The following MAGI1 variants were observed in gnomAD, a reference collection of about 807,000 sequenced individuals.
MAGI1 encodes the protein membrane associated guanylate kinase, WW and PDZ domain containing 1.
A neutral mutation model predicts 139.9 loss-of-function variants in MAGI1; 58 were observed. The ratio of observed to expected loss-of-function variants is 0.41; its 90% CI spans 0.34 to 0.52. MAGI1 has a LOEUF of 0.52. Among genes scored for constraint, MAGI1 ranks in the 20% least tolerant of loss-of-function variants. The pLI is 0.12. For missense variants in MAGI1, 1,874 were observed against 1,901.6 expected, an observed-to-expected ratio of 0.99 and a Z score of 0.27; for synonymous variants, 812 against 737.9, an observed-to-expected ratio of 1.10 and a Z score of -1.63.
intron 1 of MAGI1, among the ~76,000 whole-genome samples, chr3:65,855,339 G>T (rs2059339639): frequency 6.6e-6 from 1 of 151,764 alleles, no homozygotes; most frequent in South Asian, 2.1e-4. Flanking sequence ...CAACACTTTG[G>T]GAGACAAGGC....
chr3:65,821,790 G>A (rs1199060712), intron 1 of MAGI1, among the ~76,000 whole-genome samples: 1 of 152,138 alleles, frequency 6.6e-6, no homozygotes, highest in African/African-American at 2.4e-5. Flanking sequence ...TCAGATGTGG[G>A]CAAAATTTAA....
At chr3:65,967,957 G>C (rs1251078469) in intron 1 of MAGI1, among the ~76,000 whole-genome samples, 2 of 152,212 alleles carry the variant, frequency 1.3e-5, no homozygotes, top group Non-Finnish European at 2.9e-5. Flanking sequence ...AACTGAGGCA[G>C]TGCTCTCAAA....
chr3:65,430,585 G>A, intron 11 of MAGI1, 114 bp downstream of exon 11: 1 of 1,064,852 alleles, frequency 9.4e-7, no homozygotes, highest in Non-Finnish European at 1.4e-6. Context: ...GTAAACATGT[G>A]CAATCATGAC....
intron 1 of MAGI1, among the ~76,000 whole-genome samples, chr3:65,624,742 T>A (rs2076405898): frequency 6.6e-6 from 1 of 152,226 alleles, no homozygotes; most frequent in South Asian, 2.1e-4. Flanking sequence ...TCTACATGAC[T>A]TCTATACATG....
Position 65,382,150 on chromosome 3 carries a change from CAATT to C in MAGI1, c.2509-85_2509-82del, listed in dbSNP as rs1388037873. 5.1e-6 allele frequency: 6 copies of C among 1,181,382 alleles called. No homozygotes were observed. The South Asian group carries it at 7.3e-5, about 14-fold the overall frequency. 73.2% of individuals were successfully genotyped at this position (1,181,382 alleles called of 1,614,324 possible). On this transcript the variant is annotated intron_variant, in intron 15 of 22. Transcript: ENST00000402939. ...TCAATAGCCTTCACATCTCTGGGAA[CAATT>C]CATTCATTCATGTCTGCAGGCATGC...
intron 2 of MAGI1, chr3:65,609,694 C>A: frequency 5.0e-6 from 1 of 199,672 alleles, no homozygotes; most frequent in South Asian, 6.3e-5. Flanking sequence ...AGGTGATCCT[C>A]CCACCTCAGC....
chr3:65,549,276 C>G, intron 2 of MAGI1: 103 of 333,126 alleles, frequency 3.1e-4, no homozygotes, highest in Non-Finnish European at 3.6e-4. Context: ...CTCGCCTTCT[C>G]CTTCCTTCCC....
intron 2 of MAGI1, among the ~76,000 whole-genome samples, chr3:65,599,239 G>T (rs1301411936): frequency 6.6e-6 from 1 of 152,184 alleles, no homozygotes; most frequent in Non-Finnish European, 1.5e-5. Context: ...GGCAAAGCAG[G>T]CTTTACGGGT....
At chr3:65,654,624 C>CA (rs902838364) in intron 1 of MAGI1, among the ~76,000 whole-genome samples, 6 of 147,154 alleles carry the variant, frequency 4.1e-5, no homozygotes, top group Admixed American at 6.8e-5. Context: ...TGAGTAATGA[C>CA]TTTTTTTTTT....
In MAGI1 at chr3:65,852,254, C is replaced by T. The variant is rs141448030; in HGVS notation, c.313+185742G>A. 2.7e-3 allele frequency among the ~76,000 whole-genome samples: 408 copies of T among 152,208 alleles called. 3 individuals carry two copies. The highest frequency in any genetic ancestry group is 4.0e-3 in the Non-Finnish European group (270 of 68,000). ...TTCCACAAGGTAACAAGGTAGCTGGCGATGGAAGTAGCATTGCTGTCTAGG... is the reference window on the plus strand; with the variant it reads ...TTCCACAAGGTAACAAGGTAGCTGGTGATGGAAGTAGCATTGCTGTCTAGG... On this transcript the variant is annotated intron_variant, in intron 1 of 22. Transcript: ENST00000402939.
intron 2 of MAGI1, among the ~76,000 whole-genome samples, chr3:65,508,624 G>T (rs2077407017): frequency 6.6e-6 from 1 of 152,120 alleles, no homozygotes; most frequent in African/African-American, 2.4e-5. Context: ...ATTAATCCAA[G>T]AATGCAGATT....
At chr3:65,617,534 G>A (rs752497459) in intron 2 of MAGI1, among the ~76,000 whole-genome samples, 1 of 152,260 alleles carries the variant, frequency 6.6e-6, no homozygotes, top group East Asian at 1.9e-4. Context: ...CAGGAGGTAC[G>A]GTGATATCTA....
chr3:65,429,867 T>A lies in MAGI1; in HGVS notation c.1820A>T (p.Asp607Val), dbSNP rs745637611. Residue 607 changes from aspartate to valine, a missense_variant, in exon 12 of 23, where the codon GAT becomes GTT. Asp to Val is a radical substitution (Grantham distance 152). Transcript: ENST00000402939. Reference protein sequence around the residue: ...SKTGKVNGMKDARPSSPADVA... With the variant: ...SKTGKVNGMKVARPSSPADVA... ...GTCCGCTGGGCTGCTTGGCCTGGCA[T>A]CCTTCATGCCATTGACTTTGCCTGT... The A allele has an allele frequency of 6.8e-6, 11 of 1,613,948 alleles. No homozygotes were observed. The Admixed American group carries it at 1.7e-4, about 24-fold the overall frequency.
chr3:65,819,122 T>C (rs1390014769), intron 1 of MAGI1, among the ~76,000 whole-genome samples: 2 of 152,086 alleles, frequency 1.3e-5, no homozygotes, highest in Admixed American at 6.5e-5. Context: ...CCATCTCTAT[T>C]AAAAATACAA....
At chr3:65,707,689 CAAAA>C (rs57489811) in intron 1 of MAGI1, among the ~76,000 whole-genome samples, 6 of 88,138 alleles carry the variant, frequency 6.8e-5, no homozygotes, top group Admixed American at 1.4e-4. Context: ...TACCCTATCT[CAAAA>C]AAAAAAAAAA....
At chr3:65,810,143 C>A (rs1559904305) in intron 1 of MAGI1, among the ~76,000 whole-genome samples, 1 of 152,200 alleles carries the variant, frequency 6.6e-6, no homozygotes, top group Non-Finnish European at 1.5e-5. Flanking sequence ...AAAATCTTTA[C>A]CTATAATTTC....
intron 14 of MAGI1, among the ~76,000 whole-genome samples, chr3:65,384,909 C>A (rs1352426043): frequency 6.6e-6 from 1 of 152,062 alleles, no homozygotes. Flanking sequence ...CCCCAGCAGA[C>A]ACTGAGGGGT....
intron 1 of MAGI1, among the ~76,000 whole-genome samples, chr3:66,026,457 T>G (rs1409843902): frequency 1.3e-5 from 2 of 151,096 alleles, no homozygotes; most frequent in African/African-American, 4.9e-5. Flanking sequence ...CTCAGACAAT[T>G]TTTTTTTTAA....
At chr3:65,471,297 G>A (rs976810240) in intron 4 of MAGI1, among the ~76,000 whole-genome samples, 4 of 152,136 alleles carry the variant, frequency 2.6e-5, no homozygotes, top group African/African-American at 7.2e-5. Flanking sequence ...TATAGAGGCC[G>A]ATGATATTAA....
Sources: gnomAD v4.1 joint callset for allele counts (sites outside exome capture counted in the v4.1 genomes callset) on GRCh38, gnomAD v4.1.1 for gene constraint, MANE v1.5 for transcripts, NCBI Gene and HGNC (gene_info 2026-07-23, HGNC 2026-07-21) for gene names.